The following DPP10 variants were observed in gnomAD, a reference collection of about 807,000 sequenced individuals.
DPP10 encodes dipeptidyl peptidase like 10, also known as inactive dipeptidyl peptidase 10.
DPP10 carries 33 observed loss-of-function variants against 120.9 expected under a neutral mutation model. That is an observed-to-expected ratio of 0.27 (90% CI 0.21 to 0.37). The LOEUF (loss-of-function observed/expected upper bound fraction) is 0.37, where lower values mean the gene tolerates loss of function less well. Among genes scored for constraint, DPP10 ranks in the 10% least tolerant of loss-of-function variants. The pLI is 1.00. For synonymous variants in DPP10, 337 were observed against 326.1 expected, an observed-to-expected ratio of 1.03 and a Z score of -0.36; for missense variants, 816 against 942.8, an observed-to-expected ratio of 0.87 and a Z score of 1.76.
At chr2:115,276,303 G>A (rs183783351) in intron 1 of DPP10, among the ~76,000 whole-genome samples, 38 of 152,196 alleles carry the variant, frequency 2.5e-4, no homozygotes, top group African/African-American at 8.4e-4. Flanking sequence ...ACTTGTATCA[G>A]TCAAAAGGAT....
At chr2:114,746,007 G>A (rs916608994) in intron 1 of DPP10, among the ~76,000 whole-genome samples, 4 of 152,178 alleles carry the variant, frequency 2.6e-5, no homozygotes, top group African/African-American at 9.7e-5. Context: ...AGCAGAGAAG[G>A]GAGCCCCTAA....
chr2:115,727,756 A>G, intron 7 of DPP10, 60 bp from the exon 8 acceptor site: 1 of 1,514,528 alleles, frequency 6.6e-7, no homozygotes, highest in Non-Finnish European at 8.8e-7. Flanking sequence ...GTAATATTAA[A>G]GTTTCAAAAG....
At chr2:114,834,893 T>G (rs550033026) in intron 1 of DPP10, among the ~76,000 whole-genome samples, 10 of 147,684 alleles carry the variant, frequency 6.8e-5, no homozygotes, top group African/African-American at 2.4e-4. Context: ...ACTATGTATA[T>G]ATAAGCCATA....
At chr2:114,631,777 C>A (rs746421651) in intron 1 of DPP10, among the ~76,000 whole-genome samples, 1 of 152,098 alleles carries the variant, frequency 6.6e-6, no homozygotes, top group Non-Finnish European at 1.5e-5. Context: ...AAAAAAAAAT[C>A]AATTATCAAT....
chr2:114,934,329 G>A (rs181440421), intron 1 of DPP10, among the ~76,000 whole-genome samples: 175 of 152,268 alleles, frequency 1.1e-3, no homozygotes, highest in Non-Finnish European at 2.0e-3. Flanking sequence ...CACGTGTATT[G>A]TGGGTTACAC....
chr2:115,193,202 G>T (rs888711468), intron 1 of DPP10, among the ~76,000 whole-genome samples: 1 of 152,038 alleles, frequency 6.6e-6, no homozygotes, highest in South Asian at 2.1e-4. Context: ...TCTTTGACAT[G>T]CCTTAACTTT....
chr2:114,604,923 C>G (rs1313040461), intron 1 of DPP10, among the ~76,000 whole-genome samples: 1 of 152,030 alleles, frequency 6.6e-6, no homozygotes, highest in Non-Finnish European at 1.5e-5. Context: ...GTTAAGTAAT[C>G]ATATCAGAAG....
intron 1 of DPP10, among the ~76,000 whole-genome samples, chr2:115,119,326 G>T (rs142742897): frequency 6.6e-6 from 1 of 152,160 alleles, no homozygotes; most frequent in Admixed American, 6.5e-5. Context: ...ATCTTATCAG[G>T]AAGCTGCTAA....
chr2:115,029,274 A>G (rs1055294259), intron 1 of DPP10, among the ~76,000 whole-genome samples: 2 of 151,840 alleles, frequency 1.3e-5, no homozygotes, highest in Non-Finnish European at 2.9e-5. Context: ...TATATTGCCT[A>G]TCTCTTAATG....
At chr2:114,868,490 G>T (rs1690418547) in intron 1 of DPP10, among the ~76,000 whole-genome samples, 1 of 152,094 alleles carries the variant, frequency 6.6e-6, no homozygotes, top group South Asian at 2.1e-4. Flanking sequence ...CTCCAATTCA[G>T]TGCATGATGG....
intron 24 of DPP10, among the ~76,000 whole-genome samples, chr2:115,839,085 G>A (rs574818239): frequency 1.2e-4 from 19 of 152,262 alleles, no homozygotes; most frequent in Non-Finnish European, 2.6e-4. Flanking sequence ...TCTCCATGCA[G>A]ACAAATAAGG....
At chr2:114,753,985 TGAAGA>T (rs1279428143) in intron 1 of DPP10, among the ~76,000 whole-genome samples, 3 of 150,162 alleles carry the variant, frequency 2.0e-5, no homozygotes, top group South Asian at 4.2e-4. Context: ...TTTGAAACTA[TGAAGA>T]GAAAATAGTG....
intron 1 of DPP10, among the ~76,000 whole-genome samples, chr2:114,894,976 C>T (rs1692845658): frequency 6.6e-6 from 1 of 151,996 alleles, no homozygotes; most frequent in African/African-American, 2.4e-5. Context: ...GTTTTTCTTA[C>T]CAGAAATATG....
chr2:114,560,606 AG>A (rs1478816236), intron 1 of DPP10, among the ~76,000 whole-genome samples: 2 of 152,104 alleles, frequency 1.3e-5, no homozygotes, highest in Non-Finnish European at 2.9e-5. Flanking sequence ...TAGGCCAGCC[AG>A]GCTTCCCCAG....
At chr2:114,951,808 C>G (rs1413239096) in intron 1 of DPP10, among the ~76,000 whole-genome samples, 1 of 152,046 alleles carries the variant, frequency 6.6e-6, no homozygotes, top group Non-Finnish European at 1.5e-5. Context: ...TATCCACTTC[C>G]TCTACCTATT....
chr2:115,512,178 G>A (rs1357915144), intron 4 of DPP10, among the ~76,000 whole-genome samples: 4 of 151,722 alleles, frequency 2.6e-5, no homozygotes, highest in Admixed American at 2.6e-4. Context: ...ATGGCTCACT[G>A]TAGCCCCAAT....
intron 3 of DPP10, among the ~76,000 whole-genome samples, chr2:115,491,904 A>G (rs2076146185): frequency 6.6e-6 from 1 of 152,116 alleles, no homozygotes; most frequent in African/African-American, 2.4e-5. Context: ...TCAAGTGTCA[A>G]AGGCAGGAGG....
chr2:115,271,257 A>G (rs2059687950), intron 1 of DPP10, among the ~76,000 whole-genome samples: 1 of 152,252 alleles, frequency 6.6e-6, no homozygotes, highest in African/African-American at 2.4e-5. Context: ...TTATGAATCA[A>G]TACTGATAGT....
At chr2:115,067,586 G>A (rs769945501) in intron 1 of DPP10, among the ~76,000 whole-genome samples, 82 of 144,830 alleles carry the variant, frequency 5.7e-4, no homozygotes, top group African/African-American at 1.8e-3. Flanking sequence ...AAAAATGGCC[G>A]GGCGCGGTGG....
Sources: gnomAD v4.1 joint callset for allele counts (sites outside exome capture counted in the v4.1 genomes callset) on GRCh38, gnomAD v4.1.1 for gene constraint, MANE v1.5 for transcripts, NCBI Gene and HGNC (gene_info 2026-07-23, HGNC 2026-07-21) for gene names.